NCAPH2: variants seen among roughly 807,000 people sequenced by gnomAD.
NCAPH2 encodes condensin-2 complex subunit H2.
NCAPH2 carries 56 observed loss-of-function variants against 88.6 expected under a neutral mutation model. The observed-to-expected ratio is 0.63, with a 90% CI of 0.51 to 0.79. The LOEUF is 0.79. Among genes scored for constraint, NCAPH2 ranks in the 30% least tolerant of loss-of-function variants. The pLI is 0.00. For missense variants in NCAPH2, 794 were observed against 792.0 expected (o/e 1.00, Z -0.03); for synonymous variants, 378 against 313.6 (o/e 1.21, Z -2.17).
At position 50,518,739 on chromosome 22, in the gene NCAPH2, A is replaced by G; in HGVS notation, c.730+7A>G. On this transcript the variant is annotated splice_region_variant and intron_variant, in intron 8 of 19. Coordinates refer to ENST00000420993, the MANE Select transcript of NCAPH2 (RefSeq NM_152299.4). Reference sequence around the variant, plus strand: ...GGCTTCTCCCAGGAGCCAGGTGAGAAGAGAGCTCCCCGGTGGGACTGGCAG... The same window carrying G: ...GGCTTCTCCCAGGAGCCAGGTGAGAGGAGAGCTCCCCGGTGGGACTGGCAG... 6.2e-7 allele frequency: 1 copy of G among 1,600,662 alleles called. No individual in the cohort carries two copies. Among genetic ancestry groups the G allele is most frequent in the Non-Finnish European group, 8.5e-7 (1 of 1,174,792 alleles).
chr22:50,515,151 G>A (rs543111132), intron 1 of NCAPH2, among the ~76,000 whole-genome samples: 1 of 152,358 alleles, frequency 6.6e-6, no homozygotes, highest in East Asian at 1.9e-4. Context: ...CGGCACAGAG[G>A]CCCCAGGAAT....
chr22:50,511,055 C>T (rs2068768312), intron 1 of NCAPH2, among the ~76,000 whole-genome samples: 1 of 151,440 alleles, frequency 6.6e-6, no homozygotes, highest in Admixed American at 6.6e-5. Context: ...ACCGTGTTAG[C>T]CAGGATGGTC....
At chr22:50,521,634 C>G in intron 11 of NCAPH2, 25 bp downstream of exon 11, 1 of 1,612,490 alleles carries the variant, frequency 6.2e-7, no homozygotes, top group South Asian at 1.1e-5. Flanking sequence ...GGTACCTCCA[C>G]TCAGGTACCC....
intron 1 of NCAPH2, among the ~76,000 whole-genome samples, chr22:50,512,789 A>ACCTG (rs2068820593): frequency 6.6e-6 from 1 of 151,910 alleles, no homozygotes; most frequent in Non-Finnish European, 1.5e-5. Flanking sequence ...CAAGTGATCC[A>ACCTG]CCTGCCTTGG....
intron 1 of NCAPH2, 34 bp downstream of exon 1, chr22:50,508,479 CGGCGGG>C: frequency 6.8e-6 from 1 of 147,202 alleles, no homozygotes; most frequent in Non-Finnish European, 1.3e-5. Context: ...CGGGGTGGGC[CGGCGGG>C]TGGGGCTGCG....
In NCAPH2 at chr22:50,516,340, G is replaced by A. The variant is rs548838463; in HGVS notation, c.109-107G>A. ...GCCCACAGCATAGCTAGAGCTGCCC[G>A]TCTCGGGAGGTGCTGGGCAGAGACC... On this transcript the variant is annotated intron_variant, in intron 1 of 19. Coordinates refer to ENST00000420993, the MANE Select transcript of NCAPH2 (RefSeq NM_152299.4). The A allele has an allele frequency of 1.2e-4, 112 of 961,464 alleles. No homozygotes were observed. In the Middle Eastern group the frequency reaches 1.3e-3, roughly 11 times the overall value. The allele number at this position is 961,464 out of a possible 1,614,324, so 59.6% of individuals were successfully genotyped here. A position where few individuals can be genotyped will look rare whatever the true frequency, so the allele number is the denominator to read the frequency against.
At chr22:50,513,733 G>T (rs2068846323) in intron 1 of NCAPH2, among the ~76,000 whole-genome samples, 1 of 152,180 alleles carries the variant, frequency 6.6e-6, no homozygotes, top group African/African-American at 2.4e-5. Flanking sequence ...CTGCACTCCA[G>T]CCTGGACAAC....
chr22:50,518,563 C>A, intron 7 of NCAPH2, 86 bp from the exon 8 acceptor site: 2 of 1,353,678 alleles, frequency 1.5e-6, no homozygotes, highest in Non-Finnish European at 2.0e-6. Context: ...CTCCTGCTGG[C>A]CCCTTGGAGA....
intron 1 of NCAPH2, among the ~76,000 whole-genome samples, chr22:50,511,394 A>G (rs547396400): frequency 7.3e-6 from 1 of 136,340 alleles, no homozygotes; most frequent in South Asian, 2.2e-4. Context: ...GGTTCACACC[A>G]TTCTCCTGCC....
chr22:50,522,542 G>A lies in NCAPH2; in HGVS notation c.1348G>A (p.Ala450Thr). 1 of 1,613,804 alleles carries A rather than the reference G, an allele frequency of 6.2e-7. No homozygotes were observed. Among genetic ancestry groups the A allele is most frequent in the Non-Finnish European group, 8.5e-7 (1 of 1,179,990 alleles). Residue 450 changes from alanine (A) to threonine (T), a missense_variant, in exon 16 of 20, where the codon GCA becomes ACA. Transcript: ENST00000420993. Reference protein sequence around the residue: ...EPEEYMEPEGADPREAADLDA... With the variant: ...EPEEYMEPEGTDPREAADLDA... The stretch of plus-strand genomic sequence containing the variant: ...TGAGGAGTACATGGAGCCCGAGGGA[G>A]CAGACCCCAGGGAAGCCGCTGACCT...
chr22:50,518,627 G>C (rs1484089815), intron 7 of NCAPH2, 22 bp from the exon 8 acceptor site: 1 of 1,587,568 alleles, frequency 6.3e-7, no homozygotes, highest in Admixed American at 1.8e-5. Flanking sequence ...GGCTGACCTT[G>C]TCTGATCCCT....
chr22:50,512,997 TTC>T (rs2068826564), intron 1 of NCAPH2, among the ~76,000 whole-genome samples: 1 of 152,240 alleles, frequency 6.6e-6, no homozygotes, highest in Non-Finnish European at 1.5e-5. Context: ...ATGGTAGGAC[TTC>T]CTCTGTCATG....
Position 50,523,721 on chromosome 22 carries a change from G to A in NCAPH2, c.*346G>A. On this transcript the variant is annotated 3_prime_UTR_variant, in exon 20 of 20. Transcript: ENST00000420993. Reference sequence around the variant, plus strand: ...TCCGTGAAGAGGCCGTCAGGGTTGAGCAGGTAGATGGCAATGGAGTGGTCC... The same window carrying A: ...TCCGTGAAGAGGCCGTCAGGGTTGAACAGGTAGATGGCAATGGAGTGGTCC... 1.9e-6 allele frequency: 3 copies of A among 1,614,214 alleles called. No homozygotes were observed. Among genetic ancestry groups the A allele is most frequent in the Non-Finnish European group, 2.5e-6 (3 of 1,180,028 alleles).
chr22:50,522,650 C>T (rs373877606), intron 16 of NCAPH2, 21 bp from the exon 17 acceptor site: 1 of 1,613,682 alleles, frequency 6.2e-7, no homozygotes. Context: ...AGCTGCCCAG[C>T]TCACAGCTAC....
chr22:50,522,135 G>A (rs533316650), intron 13 of NCAPH2, 46 bp from the exon 14 acceptor site: 15 of 1,611,602 alleles, frequency 9.3e-6, no homozygotes, highest in Non-Finnish European at 1.2e-5. Flanking sequence ...GACTGGCACG[G>A]GGCCTGGGAA....
Position 50,517,474 on chromosome 22 carries a change from T to G in NCAPH2, c.258T>G (p.Ser86=), listed in dbSNP as rs1219814937. The G allele has an allele frequency of 1.9e-6, 3 of 1,613,932 alleles. No individual in the cohort carries two copies. In the South Asian group the frequency reaches 3.3e-5, roughly 18 times the overall value. ...SLVYQALDFI[S]GKRRAKQLSS... ...TCTACCAGGCCCTTGATTTCATCTCTGGAAAGAGGTGAGTTCTGCAGCCAC... is the reference window on the plus strand; with the variant it reads ...TCTACCAGGCCCTTGATTTCATCTCGGGAAAGAGGTGAGTTCTGCAGCCAC... The change falls in exon 3 of 20, where the codon TCT becomes TCG. Residue 86 remains serine (S), a synonymous_variant. Coordinates refer to ENST00000420993, the MANE Select transcript of NCAPH2 (RefSeq NM_152299.4).
At position 50,515,659 on chromosome 22, in the gene NCAPH2, G is replaced by C. The variant is rs1415074768; in HGVS notation, c.109-788G>C. The C allele has an allele frequency of 4.9e-6, 6 of 1,224,756 alleles. No individual in the cohort carries two copies. The Admixed American group carries it at 1.8e-4, about 36-fold the overall frequency. The allele number at this position is 1,224,756 out of a possible 1,614,324, so 75.9% of individuals were successfully genotyped here. ...GATCTGCCCGCCTCGGCCTCCCAAA[G>C]TGCTGGGATTACAGGTGTGAGCCAC... On this transcript the variant is annotated intron_variant, in intron 1 of 19. Transcript: ENST00000420993.
chr22:50,509,266 C>G (rs139919086), intron 1 of NCAPH2, among the ~76,000 whole-genome samples: 3 of 152,208 alleles, frequency 2.0e-5, no homozygotes, highest in African/African-American at 7.2e-5. Flanking sequence ...ACTACCAGAT[C>G]TGCAGCTCCA....
intron 1 of NCAPH2, among the ~76,000 whole-genome samples, chr22:50,508,919 T>C (rs187366045): frequency 1.7e-4 from 26 of 152,334 alleles, no homozygotes; most frequent in African/African-American, 6.3e-4. Context: ...TCTAGACCTG[T>C]GTTAAGCTGT....
Sources: gnomAD v4.1 joint callset for allele counts (sites outside exome capture counted in the v4.1 genomes callset) on GRCh38, gnomAD v4.1.1 for gene constraint, MANE v1.5 for transcripts, NCBI Gene and HGNC (gene_info 2026-07-23, HGNC 2026-07-21) for gene names.